SLC6A2: variants seen among roughly 807,000 people sequenced by gnomAD.
The protein encoded by SLC6A2 is sodium-dependent noradrenaline transporter.
SLC6A2 carries 26 observed loss-of-function variants against 71.7 expected under a neutral mutation model. That is an observed-to-expected ratio of 0.36 (90% confidence interval 0.27 to 0.50). The LOEUF (loss-of-function observed/expected upper bound fraction) is 0.50. SLC6A2 is among the 20% of genes least tolerant of loss of function. The pLI is 0.96. For synonymous variants in SLC6A2, 363 were observed against 337.9 expected (o/e 1.07, Z -0.82); for missense variants, 581 against 803.9 (o/e 0.72, Z 3.35).
chr16:55,676,600 C>A (rs1348312227), intron 4 of SLC6A2, among the ~76,000 whole-genome samples: 2 of 152,204 alleles, frequency 1.3e-5, no homozygotes, highest in African/African-American at 4.8e-5. Flanking sequence ...AGCATGCACC[C>A]TTAACCTCTG....
At chr16:55,685,054 T>C in intron 4 of SLC6A2, 89 bp from the exon 5 acceptor site, 2 of 1,292,858 alleles carry the variant, frequency 1.5e-6, no homozygotes, top group Non-Finnish European at 2.2e-6. Flanking sequence ...TCCATCAGCA[T>C]GCATTTGCAG....
chr16:55,675,486 T>C (rs1965056311), intron 4 of SLC6A2, among the ~76,000 whole-genome samples: 1 of 152,240 alleles, frequency 6.6e-6, no homozygotes, highest in Admixed American at 6.5e-5. Flanking sequence ...AAAACCATTC[T>C]TAGCTCACAG....
rs1276934035 is a variant in SLC6A2, at chr16:55,656,679, C to T, written c.-16C>T. On this transcript the variant is annotated 5_prime_UTR_variant, in exon 2 of 15. Transcript: ENST00000568943. The surrounding 1 kb of genome is among the most constrained non-coding windows in gnomAD (Gnocchi z 4.5). ...TGCCCCCAGGACCGGTAAAGTTCCT[C>T]TCGCCAGCCGCATCCATGCTTCTGG... 2 of 1,611,464 alleles carry T rather than the reference C, an allele frequency of 1.2e-6. No homozygotes were observed. Among genetic ancestry groups the T allele is most frequent in the African/African-American group, 1.3e-5 (1 of 74,842 alleles).
At chr16:55,659,550 C>A (rs542808835) in intron 2 of SLC6A2, among the ~76,000 whole-genome samples, 2 of 152,264 alleles carry the variant, frequency 1.3e-5, no homozygotes, top group South Asian at 4.2e-4. Flanking sequence ...GTCTCCCAAA[C>A]AGGAAAAGGC....
intron 2 of SLC6A2, 25 bp from the exon 3 acceptor site, chr16:55,669,540 C>T (rs1964846907): frequency 6.2e-7 from 1 of 1,613,310 alleles, no homozygotes; most frequent in Admixed American, 1.7e-5. Context: ...TCTGTCAGGT[C>T]ACACTCTGCC....
rs769261259 is a variant in SLC6A2, at chr16:55,701,889, G to C, written c.1785G>C (p.Glu595Asp). 1 of 1,614,108 alleles carries C rather than the reference G, an allele frequency of 6.2e-7. No individual in the cohort carries two copies. Among genetic ancestry groups the C allele is most frequent in the Admixed American group, 1.7e-5 (1 of 60,030 alleles). The stretch of plus-strand genomic sequence containing the variant: ...GACTGGCCTATGGCATCACGCCAGA[G>C]AACGAGCACCACCTGGTGGCTCAGA... ...WERLAYGITP[E>D]NEHHLVAQRD... The change falls in exon 14 of 15, where the codon GAG becomes GAC. Residue 595 changes from glutamate to aspartate, a missense_variant. Transcript: ENST00000568943.
intron 5 of SLC6A2, among the ~76,000 whole-genome samples, chr16:55,688,665 G>C (rs1483181457): frequency 1.2e-4 from 19 of 152,176 alleles, no homozygotes; most frequent in African/African-American, 4.6e-4. Flanking sequence ...ATTCAGTGGG[G>C]ATGAGGTGAG....
At position 55,703,057 on chromosome 16, in the gene SLC6A2, G is replaced by T. The variant is rs1448679758; in HGVS notation, c.*711G>T. 29 of 986,528 alleles carry T rather than the reference G, an allele frequency of 2.9e-5. No individual in the cohort carries two copies. The highest frequency in any genetic ancestry group is 3.2e-5 in the Non-Finnish European group (27 of 830,862). 61.1% of individuals were successfully genotyped at this position (986,528 alleles called of 1,614,324 possible). On this transcript the variant is annotated 3_prime_UTR_variant, in exon 15 of 15. Coordinates refer to ENST00000568943, the MANE Select transcript of SLC6A2 (RefSeq NM_001172501.3). ...TGGCCCAGAGATATGGGGGACAGGA[G>T]GAAGAGGGTAAATGAACCACAGTGA...
In SLC6A2 at chr16:55,685,422, C is replaced by T. The variant is rs1965421138; in HGVS notation, c.783+141C>T. The T allele has an allele frequency of 3.9e-5, 34 of 876,964 alleles. No individual in the cohort carries two copies. The South Asian group carries it at 4.5e-4, about 12-fold the overall frequency. The allele number at this position is 876,964 out of a possible 1,614,324, so 54.3% of individuals were successfully genotyped here. On this transcript the variant is annotated intron_variant, in intron 5 of 14. Coordinates refer to ENST00000568943, the MANE Select transcript of SLC6A2 (RefSeq NM_001172501.3). Reference sequence around the variant, plus strand: ...GGCCTGGGTTCAAGCCCCTGTTCTGCCACTGACTTGGACAAATCCCTTCCC... The same window carrying T: ...GGCCTGGGTTCAAGCCCCTGTTCTGTCACTGACTTGGACAAATCCCTTCCC...
At chr16:55,697,198 G>T (rs1965826919) in intron 9 of SLC6A2, among the ~76,000 whole-genome samples, 1 of 152,190 alleles carries the variant, frequency 6.6e-6, no homozygotes, top group African/African-American at 2.4e-5. Context: ...TCAGTCAGCA[G>T]ATCTGCCAGG....
Position 55,697,947 on chromosome 16 carries a change from C to T in SLC6A2, c.1311C>T (p.Val437=). The change falls in exon 10 of 15, where the codon GTC becomes GTT. Residue 437 remains valine (V), a synonymous_variant. Coordinates refer to ENST00000568943, the MANE Select transcript of SLC6A2 (RefSeq NM_001172501.3). ...CGGGCCTGGCAGATGACTTCCAGGT[C>T]CTGAAGCGACACCGGAAACTCTTCA... ...VITGLADDFQ[V]LKRHRKLFTF... 2 of 1,613,996 alleles carry T rather than the reference C, an allele frequency of 1.2e-6. No individual in the cohort carries two copies. The highest frequency in any genetic ancestry group is 1.7e-6 in the Non-Finnish European group (2 of 1,179,976).
In SLC6A2 at chr16:55,693,106, G is replaced by C. The variant is rs183243235; in HGVS notation, c.919-904G>C. Among the ~76,000 whole-genome samples the C allele has an allele frequency of 2.8e-4, 42 of 152,350 alleles. 1 individual carries two copies. The highest frequency in any genetic ancestry group is 1.9e-3 in the Admixed American group (29 of 15,310). ...GCATCTCTGAAATCTGAATTGCAAG[G>C]CTGGGCGCGGTGGCTCACGCCTGTA... is the stretch of plus-strand genomic sequence containing the variant. On this transcript the variant is annotated intron_variant, in intron 6 of 14. Coordinates refer to ENST00000568943, the MANE Select transcript of SLC6A2 (RefSeq NM_001172501.3).
chr16:55,691,990 G>A lies in SLC6A2; in HGVS notation c.856G>A (p.Gly286Arg), dbSNP rs886052133. The change falls in exon 6 of 15, where the codon GGA (glycine) becomes AGA (arginine). Residue 286 changes from glycine to arginine, a missense_variant. Transcript: ENST00000568943. ...VLLVHGVTLP[G>R]ASNGINAYLH... ...CCTGGTCCATGGCGTCACGCTGCCC[G>A]GAGCCTCCAATGGCATCAATGCCTA... The A allele has an allele frequency of 5.0e-6, 8 of 1,614,020 alleles. No individual in the cohort carries two copies. Among genetic ancestry groups the A allele is most frequent in the South Asian group, 3.3e-5 (3 of 91,082 alleles).
At chr16:55,695,711 G>A (rs1247383860) in intron 8 of SLC6A2, among the ~76,000 whole-genome samples, 1 of 152,150 alleles carries the variant, frequency 6.6e-6, no homozygotes, top group Non-Finnish European at 1.5e-5. Context: ...CAAGGCTGCC[G>A]GGCAAGTGTC....
intron 4 of SLC6A2, among the ~76,000 whole-genome samples, chr16:55,679,010 TG>T (rs1448865393): frequency 6.6e-6 from 1 of 152,088 alleles, no homozygotes; most frequent in Non-Finnish European, 1.5e-5. Flanking sequence ...CTGGGCCTGT[TG>T]GGGGGCATTT....
At chr16:55,664,435 C>A (rs1180490590) in intron 2 of SLC6A2, among the ~76,000 whole-genome samples, 1 of 152,178 alleles carries the variant, frequency 6.6e-6, no homozygotes, top group Non-Finnish European at 1.5e-5. Context: ...CTTGGGGATC[C>A]CAGAGCACTG....
intron 10 of SLC6A2, 47 bp downstream of exon 10, chr16:55,698,072 C>A (rs775643629): frequency 3.8e-6 from 6 of 1,599,934 alleles, no homozygotes; most frequent in Non-Finnish European, 5.1e-6. Flanking sequence ...TCTGAGGCCG[C>A]ATTTCAATAA....
chr16:55,702,290 A>T, intron 14 of SLC6A2, 33 bp from the exon 15 acceptor site: 1 of 1,612,276 alleles, frequency 6.2e-7, no homozygotes, highest in Non-Finnish European at 8.5e-7. Flanking sequence ...TGTCCCCACC[A>T]TGTCATCAAG....
At position 55,703,124 on chromosome 16, in the gene SLC6A2, G is replaced by A. The variant is rs1348115575; in HGVS notation, c.*778G>A. The A allele has an allele frequency of 2.0e-6, 2 of 985,612 alleles. No individual in the cohort carries two copies. The highest frequency in any genetic ancestry group is 2.4e-6 in the Non-Finnish European group (2 of 830,086). The allele number at this position is 985,612 out of a possible 1,614,324, so 61.1% of individuals were successfully genotyped here. ...ACCTGCATCAGACAAGCTGGTGGAG[G>A]CCACGTGGCAAGCCACATCTACTGA... On this transcript the variant is annotated 3_prime_UTR_variant, in exon 15 of 15. Transcript: ENST00000568943.
Sources: allele counts gnomAD v4.1 joint callset (sites outside exome capture counted in the v4.1 genomes callset), GRCh38; gene constraint gnomAD v4.1.1; non-coding constraint Gnocchi (gnomAD v3.1); transcripts MANE v1.5; gene names NCBI Gene and HGNC (gene_info 2026-07-23, HGNC 2026-07-21).